PHF24: variants seen among roughly 807,000 people sequenced by gnomAD.
PHF24 encodes the protein Galpha inhibitory interacting protein.
PHF24 carries 25 observed loss-of-function variants against 42.6 expected under a neutral mutation model. That is an observed-to-expected ratio of 0.59 (90% CI 0.43 to 0.82). PHF24 has a LOEUF of 0.82. PHF24 is among the 40% of genes least tolerant of loss of function. The pLI, the probability that PHF24 is intolerant of heterozygous loss-of-function variation, is 0.00. For synonymous variants in PHF24, 185 were observed against 204.8 expected (o/e 0.90, Z 0.83); for missense variants, 470 against 538.1 (o/e 0.87, Z 1.25).
At chr9:34,820,131 T>TATATAA in the PHF24 span, among the ~76,000 whole-genome samples, 1 of 149,556 alleles carries the variant, frequency 6.7e-6, no homozygotes, top group African/African-American at 2.4e-5. Flanking sequence ...ATATTAGCAT[T>TATATAA]ATATAAATAT....
At chr9:34,851,543 C>T in the PHF24 span, among the ~76,000 whole-genome samples, 2 of 152,236 alleles carry the variant, frequency 1.3e-5, no homozygotes, top group Non-Finnish European at 1.5e-5. Flanking sequence ...TCCCTGACCC[C>T]TTGCACTTCC....
the PHF24 span, among the ~76,000 whole-genome samples, chr9:34,842,895 T>G: frequency 6.6e-6 from 1 of 152,222 alleles, no homozygotes; most frequent in Non-Finnish European, 1.5e-5. Context: ...GGTACAATCC[T>G]TTTTAATTTT....
chr9:34,795,081 GA>G, the PHF24 span, among the ~76,000 whole-genome samples: 2 of 151,944 alleles, frequency 1.3e-5, no homozygotes, highest in African/African-American at 4.8e-5. Flanking sequence ...AAGAAACCAG[GA>G]AAAAAACAAC....
At chr9:34,933,391 C>G in the PHF24 span, among the ~76,000 whole-genome samples, 1 of 152,080 alleles carries the variant, frequency 6.6e-6, no homozygotes, top group Non-Finnish European at 1.5e-5. Flanking sequence ...TGTAAAAATT[C>G]TATGATATAG....
chr9:34,919,468 C>T, the PHF24 span, among the ~76,000 whole-genome samples: 1 of 152,148 alleles, frequency 6.6e-6, no homozygotes, highest in East Asian at 1.9e-4. Flanking sequence ...CCACCCTTTC[C>T]AGCCTCTGAT....
At chr9:34,718,721 T>C in the PHF24 span, among the ~76,000 whole-genome samples, 1 of 152,204 alleles carries the variant, frequency 6.6e-6, no homozygotes, top group African/African-American at 2.4e-5. Flanking sequence ...GTGCCTTGCC[T>C]TCCCTGCCTG....
At chr9:34,680,533 A>C in the PHF24 span, among the ~76,000 whole-genome samples, 4 of 146,704 alleles carry the variant, frequency 2.7e-5, no homozygotes, top group Admixed American at 2.7e-4. Context: ...CTAAAAATAC[A>C]AAAAATTAGC....
chr9:34,676,428 G>A, the PHF24 span, among the ~76,000 whole-genome samples: 1 of 152,190 alleles, frequency 6.6e-6, no homozygotes, highest in Non-Finnish European at 1.5e-5. Context: ...GGAGGCTGAG[G>A]TGGAGGATCT....
At chr9:34,850,221 T>C in the PHF24 span, among the ~76,000 whole-genome samples, 8 of 152,296 alleles carry the variant, frequency 5.3e-5, no homozygotes, top group South Asian at 2.1e-4. Context: ...CCATTCTCCC[T>C]GTCACTTTCA....
the PHF24 span, among the ~76,000 whole-genome samples, chr9:34,685,282 C>T: frequency 2.3e-3 from 356 of 152,264 alleles, 1 homozygote; most frequent in African/African-American, 7.8e-3. Context: ...TGATACTCCC[C>T]TGGGAATAGG....
chr9:34,728,803 C>T, the PHF24 span: 3 of 776,034 alleles, frequency 3.9e-6, no homozygotes, highest in African/African-American at 3.5e-5. Flanking sequence ...TTTGCCTATT[C>T]CACCTTTTTA....
At chr9:34,770,771 G>A in the PHF24 span, among the ~76,000 whole-genome samples, 10 of 148,624 alleles carry the variant, frequency 6.7e-5, no homozygotes, top group Non-Finnish European at 1.2e-4. Context: ...TATTATCTAT[G>A]CAAAAAAAAA....
chr9:34,789,612 T>C, the PHF24 span, among the ~76,000 whole-genome samples: 1 of 152,308 alleles, frequency 6.6e-6, no homozygotes, highest in East Asian at 1.9e-4. Context: ...TCCTATGGCA[T>C]GGAACTTCTG....
chr9:34,835,365 G>C, the PHF24 span: 184 of 1,549,042 alleles, frequency 1.2e-4, no homozygotes, highest in Middle Eastern at 3.3e-4. Context: ...TCCTCCACAC[G>C]TCTTGGGAGC....
the PHF24 span, among the ~76,000 whole-genome samples, chr9:34,942,175 C>T: frequency 2.6e-5 from 4 of 152,134 alleles, no homozygotes; most frequent in South Asian, 2.1e-4. Flanking sequence ...CAGGACAGCT[C>T]GCACCACAGC....
the PHF24 span, among the ~76,000 whole-genome samples, chr9:34,688,075 G>T: frequency 6.6e-6 from 1 of 152,166 alleles, no homozygotes; most frequent in African/African-American, 2.4e-5. Context: ...AAGGTTTTGA[G>T]CACCTGCATC....
chr9:34,939,024 T>G, the PHF24 span, among the ~76,000 whole-genome samples: 1 of 151,458 alleles, frequency 6.6e-6, no homozygotes, highest in Non-Finnish European at 1.5e-5. Flanking sequence ...CTTTCACCTG[T>G]AATCCCAGCA....
chr9:34,964,633 C>T (rs1213231869), intron 1 of PHF24, among the ~76,000 whole-genome samples: 1 of 152,204 alleles, frequency 6.6e-6, no homozygotes, highest in Non-Finnish European at 1.5e-5. Flanking sequence ...TATTAATAAT[C>T]CCGCTGAATT....
the PHF24 span, among the ~76,000 whole-genome samples, chr9:34,779,426 G>A: frequency 6.6e-6 from 1 of 152,162 alleles, no homozygotes; most frequent in South Asian, 2.1e-4. Context: ...TGTTAAGACG[G>A]CAATGCTCCC....
Sources: gnomAD v4.1 joint callset for allele counts (sites outside exome capture counted in the v4.1 genomes callset) on GRCh38, gnomAD v4.1.1 for gene constraint, MANE v1.5 for transcripts, NCBI Gene and HGNC (gene_info 2026-07-23, HGNC 2026-07-21) for gene names.